NINJ2: variants seen among roughly 807,000 people sequenced by gnomAD.
The protein encoded by NINJ2 is ninjurin 2.
Under a neutral mutation model 11.7 loss-of-function variants are expected in NINJ2, and 12 were observed. The ratio of observed to expected loss-of-function variants is 1.02; its 90% CI spans 0.66 to 1.66. The LOEUF is 1.66. Ranked by LOEUF, NINJ2 falls within the 40% of genes most tolerant of loss-of-function variation. The pLI, the probability that NINJ2 is intolerant of heterozygous loss-of-function variation, is 0.00. For missense variants in NINJ2, 187 were observed against 181.8 expected (o/e 1.03, Z -0.16); for synonymous variants, 93 against 76.8 (o/e 1.21, Z -1.10).
rs1373089826 is a variant in NINJ2, at chr12:628,022, G to T, written c.33+35306C>A. Among the ~76,000 whole-genome samples the T allele has an allele frequency of 6.6e-6, 1 of 152,188 alleles. No homozygotes were observed. The highest frequency in any genetic ancestry group is 1.5e-5 in the Non-Finnish European group (1 of 68,026). ...CCGCATCCTCCCCGCCCTGCCCCCG[G>T]CTCCTCTTTCACACCCTGTGCCAGA... is the stretch of plus-strand genomic sequence containing the variant. On this transcript the variant is annotated intron_variant, in intron 1 of 3. Transcript: ENST00000305108. The surrounding 1 kb of genome is among the most constrained non-coding windows in gnomAD (Gnocchi z 4.4).
chr12:567,502 G>C lies in NINJ2; in HGVS notation c.34-1324C>G, dbSNP rs1051073432. On this transcript the variant is annotated intron_variant, in intron 1 of 3. Coordinates refer to ENST00000305108, the MANE Select transcript of NINJ2 (RefSeq NM_016533.6). The stretch of plus-strand genomic sequence containing the variant: ...GGATGAAGGGATGGATGGATGGATG[G>C]AGAGATTGGTGGGTGGATGGATGGA... Among the ~76,000 whole-genome samples the C allele has an allele frequency of 2.6e-5, 4 of 152,288 alleles. No homozygotes were observed. The South Asian group carries it at 8.3e-4, about 32-fold the overall frequency.
intron 1 of NINJ2, among the ~76,000 whole-genome samples, chr12:617,679 C>T (rs1338085913): frequency 5.9e-5 from 9 of 152,188 alleles, no homozygotes; most frequent in Non-Finnish European, 4.4e-5. Flanking sequence ...GCCCCGCTGG[C>T]GTCGCCGTGT....
intron 1 of NINJ2, among the ~76,000 whole-genome samples, chr12:657,656 AAAG>A (rs1363560598): frequency 6.6e-6 from 1 of 152,184 alleles, no homozygotes; most frequent in Non-Finnish European, 1.5e-5. Flanking sequence ...CCACCTCACT[AAAG>A]AAGATGCAAA....
chr12:587,720 G>A (rs2607933), intron 1 of NINJ2, among the ~76,000 whole-genome samples: 73,984 of 151,974 alleles, frequency 0.49, 18,540 homozygotes, highest in Non-Finnish European at 0.56. Flanking sequence ...GGGACCCTGC[G>A]CCTCACAGGC....
At chr12:593,242 C>T (rs965898370) in intron 1 of NINJ2, among the ~76,000 whole-genome samples, 1 of 152,170 alleles carries the variant, frequency 6.6e-6, no homozygotes, top group Admixed American at 6.5e-5. Context: ...TTACTAAGAA[C>T]TCTTAGGGGA....
At chr12:637,847 A>G (rs1327157662) in intron 1 of NINJ2, among the ~76,000 whole-genome samples, 8 of 152,040 alleles carry the variant, frequency 5.3e-5, no homozygotes, top group Admixed American at 5.2e-4. Context: ...GCTTATGAAT[A>G]CCTAGGCACA....
chr12:597,805 C>T (rs983801929), intron 1 of NINJ2, among the ~76,000 whole-genome samples: 1 of 152,230 alleles, frequency 6.6e-6, no homozygotes, highest in African/African-American at 2.4e-5. Flanking sequence ...TGCACCTCGG[C>T]AGTGCAGCCA....
At chr12:654,521 C>CAA (rs72488352) in intron 1 of NINJ2, among the ~76,000 whole-genome samples, 8 of 98,584 alleles carry the variant, frequency 8.1e-5, no homozygotes, top group East Asian at 3.0e-4. Context: ...AACTCCGTCT[C>CAA]AAAAAAAAAA....
At chr12:651,123 G>C (rs1263061735) in intron 1 of NINJ2, among the ~76,000 whole-genome samples, 1 of 152,234 alleles carries the variant, frequency 6.6e-6, no homozygotes, top group African/African-American at 2.4e-5. Flanking sequence ...AAATGCTTTT[G>C]TGAGTTTTAC....
At position 633,819 on chromosome 12, in the gene NINJ2, AC is replaced by A. The variant is rs1323511963; in HGVS notation, c.33+29508del. ...AACAGAGTGAGATTGTGTAAAAAAA[AC>A]AAACCACTTTAGAGTTTTCCACTGT... is the stretch of plus-strand genomic sequence containing the variant. On this transcript the variant is annotated intron_variant, in intron 1 of 3. Transcript: ENST00000305108. This position sits in a 1 kb window ranked among gnomAD's most constrained non-coding sequence, Gnocchi z 4.3. Among the ~76,000 whole-genome samples the A allele has an allele frequency of 4.6e-5, 7 of 152,190 alleles. No homozygotes were observed. Among genetic ancestry groups the A allele is most frequent in the African/African-American group, 7.2e-5 (3 of 41,456 alleles).
chr12:623,389 C>T (rs1037992035), intron 1 of NINJ2, among the ~76,000 whole-genome samples: 2 of 152,186 alleles, frequency 1.3e-5, no homozygotes, highest in Non-Finnish European at 2.9e-5. Context: ...TGTGACACAC[C>T]TTTCCCCAGG....
chr12:599,449 A>G (rs899145231), intron 1 of NINJ2, among the ~76,000 whole-genome samples: 1 of 152,148 alleles, frequency 6.6e-6, no homozygotes, highest in African/African-American at 2.4e-5. Context: ...TAAATCTTAG[A>G]CATTTGAGGG....
intron 1 of NINJ2, among the ~76,000 whole-genome samples, chr12:659,218 C>G (rs1375127316): frequency 6.6e-6 from 1 of 151,986 alleles, no homozygotes; most frequent in African/African-American, 2.4e-5. Flanking sequence ...TCTCGCTCTA[C>G]TTAACCTGAG....
At chr12:649,035 T>TA (rs1937743027) in intron 1 of NINJ2, among the ~76,000 whole-genome samples, 2 of 151,572 alleles carry the variant, frequency 1.3e-5, no homozygotes, top group Non-Finnish European at 2.9e-5. Flanking sequence ...TCTATCTATC[T>TA]CAAGTGATTT....
intron 1 of NINJ2, among the ~76,000 whole-genome samples, chr12:608,406 C>T (rs1038553251): frequency 6.6e-6 from 1 of 152,200 alleles, no homozygotes; most frequent in Non-Finnish European, 1.5e-5. Flanking sequence ...CGGCCTGGCA[C>T]TTTTCTAAGT....
intron 1 of NINJ2, among the ~76,000 whole-genome samples, chr12:658,677 T>A (rs1937908947): frequency 6.8e-6 from 1 of 147,856 alleles, no homozygotes; most frequent in Non-Finnish European, 1.5e-5. Context: ...TATGCTATGC[T>A]ATGCTATGCT....
chr12:629,896 A>AAAAAT, intron 1 of NINJ2, among the ~76,000 whole-genome samples: 2 of 9,892 alleles, frequency 2.0e-4, no homozygotes, highest in African/African-American at 2.9e-4. Context: ...AAAAAAAAAA[A>AAAAAT]ATATATATAT....
intron 1 of NINJ2, chr12:586,075 G>C (rs1293539696): frequency 1.3e-5 from 2 of 152,030 alleles, no homozygotes; most frequent in Non-Finnish European, 2.9e-5. Context: ...AACATATGGG[G>C]CCCCTCGTTC....
chr12:582,018 C>T (rs529641413), intron 1 of NINJ2, among the ~76,000 whole-genome samples: 1 of 152,302 alleles, frequency 6.6e-6, no homozygotes, highest in African/African-American at 2.4e-5. Context: ...CCTGTGCATC[C>T]CCCTTCACTT....
Sources: gnomAD v4.1 joint callset for allele counts (sites outside exome capture counted in the v4.1 genomes callset) on GRCh38, gnomAD v4.1.1 for gene constraint, Gnocchi (gnomAD v3.1) non-coding constraint, MANE v1.5 for transcripts, NCBI Gene and HGNC (gene_info 2026-07-23, HGNC 2026-07-21) for gene names.